The following RGS6 variants were observed in gnomAD, a reference collection of about 807,000 sequenced individuals.
RGS6 encodes regulator of G protein signaling 6.
Under a neutral mutation model 78.5 loss-of-function variants are expected in RGS6, and 30 were observed. That is an observed-to-expected ratio of 0.38 (90% confidence interval 0.29 to 0.52). The LOEUF is 0.52. RGS6 is among the 20% of genes least tolerant of loss of function. The pLI, the probability that RGS6 is intolerant of heterozygous loss-of-function variation, is 0.85. For missense variants in RGS6, 495 were observed against 609.7 expected (o/e 0.81, Z 1.98); for synonymous variants, 206 against 206.0 (o/e 1.00, Z 0.00).
chr14:71,933,296 A>G (rs555475516), intron 1 of RGS6: 1 of 152,282 alleles, frequency 6.6e-6, no homozygotes, highest in East Asian at 1.9e-4. Context: ...CGATGTTGTG[A>G]TCGCAGGTAG....
At chr14:72,305,172 A>G (rs1171458332) in intron 2 of RGS6, among the ~76,000 whole-genome samples, 1 of 152,236 alleles carries the variant, frequency 6.6e-6, no homozygotes, top group Admixed American at 6.5e-5. Context: ...CCTTTATTGA[A>G]TAAATTACCA....
At position 72,345,558 on chromosome 14, in the gene RGS6, A is replaced by G. The variant is rs566430849; in HGVS notation, c.85-6537A>G. The stretch of plus-strand genomic sequence containing the variant: ...AAGGGAGCCGTGATGGTTTTCTTCC[A>G]CAGGCCTGTGGTGGCATTCCTCAGT... On this transcript the variant is annotated intron_variant, in intron 2 of 17. Transcript: ENST00000553525. Among the ~76,000 whole-genome samples the G allele has an allele frequency of 3.9e-5, 6 of 152,322 alleles. No homozygotes were observed. The East Asian group carries it at 1.2e-3, about 29-fold the overall frequency.
intron 2 of RGS6, among the ~76,000 whole-genome samples, chr14:72,159,219 G>A (rs1030581173): frequency 6.6e-6 from 1 of 152,170 alleles, no homozygotes; most frequent in Non-Finnish European, 1.5e-5. Flanking sequence ...AAGACATTAT[G>A]CGAACCATCT....
chr14:72,290,544 C>T (rs189140939), intron 2 of RGS6, among the ~76,000 whole-genome samples: 14 of 152,272 alleles, frequency 9.2e-5, no homozygotes, highest in Admixed American at 3.3e-4. Flanking sequence ...TATTGAGTCT[C>T]GGACTTTAAG....
intron 3 of RGS6, among the ~76,000 whole-genome samples, chr14:72,391,106 T>C (rs2089868282): frequency 6.6e-6 from 1 of 152,236 alleles, no homozygotes; most frequent in African/African-American, 2.4e-5. Flanking sequence ...AAACAGCTTT[T>C]CTTAGATAAA....
chr14:72,579,238 C>T, the RGS6 span, among the ~76,000 whole-genome samples: 236 of 152,318 alleles, frequency 1.5e-3, no homozygotes, highest in Non-Finnish European at 3.0e-3. Flanking sequence ...GCCAGGTCTT[C>T]CATGACCACC....
intron 2 of RGS6, among the ~76,000 whole-genome samples, chr14:72,211,195 A>G (rs1016406477): frequency 6.6e-6 from 1 of 152,228 alleles, no homozygotes; most frequent in Non-Finnish European, 1.5e-5. Context: ...GAAGAATCAG[A>G]AAGATAAGAG....
intron 2 of RGS6, among the ~76,000 whole-genome samples, chr14:72,212,234 A>T (rs938064535): frequency 6.6e-6 from 1 of 152,206 alleles, no homozygotes; most frequent in African/African-American, 2.4e-5. Context: ...CTTCTAAGAC[A>T]TGAAGCACTG....
chr14:72,030,402 T>C (rs956337202), intron 2 of RGS6, among the ~76,000 whole-genome samples: 4 of 151,536 alleles, frequency 2.6e-5, no homozygotes, highest in African/African-American at 9.7e-5. Context: ...AATAAAAGGA[T>C]AGAAAAATAT....
intron 9 of RGS6, 81 bp from the exon 10 acceptor site, chr14:72,474,544 G>T: frequency 1.6e-6 from 2 of 1,247,328 alleles, no homozygotes; most frequent in Non-Finnish European, 2.3e-6. Flanking sequence ...GATAAAGATT[G>T]GTCCTGATGG....
At chr14:71,907,001 G>A in the RGS6 span, among the ~76,000 whole-genome samples, 1 of 152,166 alleles carries the variant, frequency 6.6e-6, no homozygotes, top group Non-Finnish European at 1.5e-5. Flanking sequence ...TTTCTCTTGG[G>A]AAGGACCTCT....
intron 2 of RGS6, among the ~76,000 whole-genome samples, chr14:72,309,277 G>A (rs1305042352): frequency 6.6e-6 from 1 of 152,196 alleles, no homozygotes; most frequent in Non-Finnish European, 1.5e-5. Context: ...TGAATTTCTT[G>A]CCACCTTGTT....
intron 2 of RGS6, among the ~76,000 whole-genome samples, chr14:72,281,052 T>C (rs560136345): frequency 1.8e-4 from 28 of 152,190 alleles, no homozygotes; most frequent in Non-Finnish European, 3.4e-4. Flanking sequence ...CTGCAAGTTA[T>C]TGGTTGCTAT....
At chr14:72,234,521 C>T (rs1052001435) in intron 2 of RGS6, among the ~76,000 whole-genome samples, 1 of 152,150 alleles carries the variant, frequency 6.6e-6, no homozygotes, top group African/African-American at 2.4e-5. Flanking sequence ...CAGAAGGTTG[C>T]TTATCAGCAT....
chr14:72,013,526 T>A (rs774690353), intron 2 of RGS6, among the ~76,000 whole-genome samples: 17 of 152,180 alleles, frequency 1.1e-4, no homozygotes, highest in Non-Finnish European at 2.4e-4. Context: ...ATTAGTCTTG[T>A]TAGAAGAAAC....
intron 2 of RGS6, among the ~76,000 whole-genome samples, chr14:72,166,916 T>A (rs1276830677): frequency 1.3e-5 from 2 of 152,238 alleles, no homozygotes; most frequent in Admixed American, 6.5e-5. Context: ...TTAATTCTCA[T>A]TCTCTCACTT....
intron 2 of RGS6, among the ~76,000 whole-genome samples, chr14:72,158,443 A>AT (rs1370218768): frequency 6.6e-6 from 1 of 152,118 alleles, no homozygotes; most frequent in African/African-American, 2.4e-5. Context: ...TCCACATATA[A>AT]TTTTTTGAGG....
At chr14:72,092,631 C>T (rs1487027980) in intron 2 of RGS6, among the ~76,000 whole-genome samples, 1 of 152,214 alleles carries the variant, frequency 6.6e-6, no homozygotes, top group Non-Finnish European at 1.5e-5. Context: ...ATCCACCTGC[C>T]TCAGCCCCCC....
chr14:71,978,989 T>C (rs200753739), intron 2 of RGS6, among the ~76,000 whole-genome samples: 20,468 of 147,606 alleles, frequency 0.14, 1,759 homozygotes, highest in East Asian at 0.22. Context: ...GGTTTAGTCT[T>C]AGGAGAGTGT....
Sources: allele counts gnomAD v4.1 joint callset (sites outside exome capture counted in the v4.1 genomes callset), GRCh38; gene constraint gnomAD v4.1.1; transcripts MANE v1.5; gene names NCBI Gene and HGNC (gene_info 2026-07-23, HGNC 2026-07-21).